The following MYO18B variants were observed in gnomAD, a reference collection of about 807,000 sequenced individuals.
MYO18B encodes unconventional myosin-XVIIIb.
A neutral mutation model predicts 273.0 loss-of-function variants in MYO18B; 204 were observed. The ratio of observed to expected loss-of-function variants is 0.75; its 90% CI spans 0.67 to 0.84. MYO18B has a LOEUF of 0.84. Among genes scored for constraint, MYO18B ranks in the 40% least tolerant of loss-of-function variants. The pLI is 0.00. For synonymous variants in MYO18B, 1,330 were observed against 1,305.7 expected, an observed-to-expected ratio of 1.02 and a Z score of -0.40; for missense variants, 3,212 against 3,287.6, an observed-to-expected ratio of 0.98 and a Z score of 0.56.
intron 34 of MYO18B, among the ~76,000 whole-genome samples, chr22:25,940,822 T>A (rs1281721425): frequency 1.3e-5 from 2 of 152,308 alleles, no homozygotes; most frequent in East Asian, 3.9e-4. Context: ...ATGCATAAGA[T>A]CTGAAGCATG....
In MYO18B at chr22:26,020,178, C is replaced by T. The variant is rs758757730; in HGVS notation, c.6471-6267C>T. ...TGGGATGATGCCTCTGATTTTGATG[C>T]GGTGATGCTTCTTAGCTTGATGAGA... On this transcript the variant is annotated intron_variant, in intron 42 of 43. Coordinates refer to ENST00000335473, the MANE Select transcript of MYO18B (RefSeq NM_032608.7). Among the ~76,000 whole-genome samples, 6 of 152,102 alleles carry T rather than the reference C, an allele frequency of 3.9e-5. No homozygotes were observed. In the East Asian group the frequency reaches 5.8e-4, roughly 15 times the overall value.
At chr22:25,760,411 C>CAAAAAAAAAAAAAAAAAAAAAAAAAAAA (rs60732274) in intron 1 of MYO18B, among the ~76,000 whole-genome samples, 1 of 61,104 alleles carries the variant, frequency 1.6e-5, no homozygotes, top group Non-Finnish European at 2.8e-5. Flanking sequence ...GACTCCATCT[C>CAAAAAAAAAAAAAAAAAAAAAAAAAAAA]AAAAAAAAAA....
intron 15 of MYO18B, among the ~76,000 whole-genome samples, chr22:25,830,484 T>C (rs1234264789): frequency 6.6e-6 from 1 of 152,186 alleles, no homozygotes; most frequent in Non-Finnish European, 1.5e-5. Flanking sequence ...TTGGGGTAGA[T>C]GGCTCTGATG....
intron 28 of MYO18B, 118 bp from the exon 29 acceptor site, chr22:25,898,189 T>G: frequency 8.5e-7 from 1 of 1,180,174 alleles, no homozygotes; most frequent in Admixed American, 2.8e-5. Flanking sequence ...GGTCTCCCCA[T>G]TCCAGCATCT....
intron 40 of MYO18B, among the ~76,000 whole-genome samples, chr22:25,996,353 A>C (rs1291388707): frequency 6.6e-6 from 1 of 152,196 alleles, no homozygotes; most frequent in Non-Finnish European, 1.5e-5. Context: ...ATGCTGTGTT[A>C]AGTGCTTGTT....
chr22:25,906,475 T>C (rs2092046960), intron 31 of MYO18B, among the ~76,000 whole-genome samples: 1 of 152,202 alleles, frequency 6.6e-6, no homozygotes, highest in South Asian at 2.1e-4. Flanking sequence ...TAGCAGGGAA[T>C]ATTATCAACA....
At chr22:26,024,720 G>A (rs1159043132) in intron 42 of MYO18B, among the ~76,000 whole-genome samples, 1 of 152,182 alleles carries the variant, frequency 6.6e-6, no homozygotes, top group Non-Finnish European at 1.5e-5. Flanking sequence ...CCCAGCCTGG[G>A]GAGCTCCTGC....
intron 39 of MYO18B, among the ~76,000 whole-genome samples, chr22:25,988,365 G>A (rs1017357814): frequency 6.6e-6 from 1 of 152,052 alleles, no homozygotes; most frequent in African/African-American, 2.4e-5. Flanking sequence ...TCTCCTCAGG[G>A]TGCGCCCACT....
chr22:25,939,795 G>A (rs1228596254), intron 34 of MYO18B, among the ~76,000 whole-genome samples: 1 of 152,142 alleles, frequency 6.6e-6, no homozygotes, highest in African/African-American at 2.4e-5. Context: ...CTCAGAGTGG[G>A]AACTTCATGA....
At chr22:25,998,270 C>T (rs1171495270) in intron 40 of MYO18B, among the ~76,000 whole-genome samples, 3 of 152,156 alleles carry the variant, frequency 2.0e-5, no homozygotes, top group Non-Finnish European at 2.9e-5. Flanking sequence ...CTAAAGTATG[C>T]TCATTATTCT....
At chr22:25,909,226 G>A (rs747061194) in intron 32 of MYO18B, among the ~76,000 whole-genome samples, 3 of 152,134 alleles carry the variant, frequency 2.0e-5, no homozygotes, top group Non-Finnish European at 2.9e-5. Flanking sequence ...GGAAAGCTTC[G>A]GGTTAAGCCT....
In MYO18B at chr22:25,911,047, C is replaced by A. The variant is rs1344411880; in HGVS notation, c.5361C>A (p.Asp1787Glu). ...AAGGCTTGATCGGAACCCTCTGTGA[C>A]CAGGTAAGGGGGAGACATTGGCAGA... Reference protein sequence around the residue: ...DLEGLIGTLCDQIGHRDFDVE... With the variant: ...DLEGLIGTLCEQIGHRDFDVE... The change falls in exon 33 of 44, where the codon GAC becomes GAA. Residue 1787 changes from aspartate (D) to glutamate (E), a missense_variant. Transcript: ENST00000335473. The A allele has an allele frequency of 6.3e-7, 1 of 1,599,030 alleles. No individual in the cohort carries two copies. Among genetic ancestry groups the A allele is most frequent in the Non-Finnish European group, 8.5e-7 (1 of 1,172,260 alleles).
chr22:25,877,698 C>G (rs1039472165), intron 24 of MYO18B, among the ~76,000 whole-genome samples: 17 of 152,074 alleles, frequency 1.1e-4, no homozygotes, highest in African/African-American at 4.1e-4. Flanking sequence ...GAACTCCTGA[C>G]CTCAGGTGAT....
intron 38 of MYO18B, among the ~76,000 whole-genome samples, chr22:25,954,659 C>A (rs1358869730): frequency 2.6e-5 from 4 of 152,050 alleles, no homozygotes; most frequent in African/African-American, 9.7e-5. Flanking sequence ...GTCTTGGGGG[C>A]AAGGGTTCTC....
At chr22:25,808,029 C>T (rs377019867) in intron 12 of MYO18B, among the ~76,000 whole-genome samples, 69 of 152,140 alleles carry the variant, frequency 4.5e-4, no homozygotes, top group Non-Finnish European at 7.5e-4. Flanking sequence ...CAATGCATCC[C>T]GGTCCCTACT....
chr22:25,982,514 A>G (rs577149148), intron 39 of MYO18B, among the ~76,000 whole-genome samples: 77 of 152,330 alleles, frequency 5.1e-4, no homozygotes, highest in African/African-American at 1.7e-3. Flanking sequence ...GATGAGTCCA[A>G]AGGCATTCAA....
chr22:26,045,047 C>CT, the MYO18B span, among the ~76,000 whole-genome samples: 6 of 151,046 alleles, frequency 4.0e-5, no homozygotes, highest in East Asian at 9.8e-4. Context: ...TCCTATGTGA[C>CT]TGTTTTTTTT....
intron 7 of MYO18B, among the ~76,000 whole-genome samples, chr22:25,773,732 G>A (rs964891290): frequency 2.6e-5 from 4 of 152,152 alleles, no homozygotes; most frequent in African/African-American, 9.7e-5. Context: ...CAAAGTGCTG[G>A]GATTACAGGC....
chr22:25,757,236 G>C (rs1012416456), intron 1 of MYO18B, among the ~76,000 whole-genome samples: 1 of 152,138 alleles, frequency 6.6e-6, no homozygotes, highest in African/African-American at 2.4e-5. Flanking sequence ...ATTCATAGCA[G>C]TTTTATTTAT....
Sources: allele counts gnomAD v4.1 joint callset (sites outside exome capture counted in the v4.1 genomes callset), GRCh38; gene constraint gnomAD v4.1.1; transcripts MANE v1.5; gene names NCBI Gene and HGNC (gene_info 2026-07-23, HGNC 2026-07-21).